The following RNF41 variants were observed in gnomAD, a reference collection of about 807,000 sequenced individuals.
RNF41 encodes the protein E3 ubiquitin-protein ligase NRDP1.
A neutral mutation model predicts 33.0 loss-of-function variants in RNF41; 4 were observed. The ratio of observed to expected loss-of-function variants is 0.12; its 90% CI spans 0.06 to 0.28. The LOEUF is 0.28. Among genes scored for constraint, RNF41 ranks in the 10% least tolerant of loss-of-function variants. RNF41 has a pLI of 1.00. For missense variants in RNF41, 228 were observed against 432.6 expected (o/e 0.53, Z 4.19); for synonymous variants, 164 against 153.2 (o/e 1.07, Z -0.52).
chr12:56,214,155 C>T (rs1006274885), intron 2 of RNF41, 85 bp from the exon 3 acceptor site: 24 of 768,176 alleles, frequency 3.1e-5, no homozygotes, highest in Non-Finnish European at 4.4e-5. Flanking sequence ...AAGATCCATT[C>T]ATTTATCCAA....
chr12:56,206,194 G>A lies in RNF41; in HGVS notation c.*253C>T, dbSNP rs371735918. 111 of 443,458 alleles carry A rather than the reference G, an allele frequency of 2.5e-4. 1 individual carries two copies. The highest frequency in any genetic ancestry group is 2.1e-3 in the African/African-American group (108 of 50,766). 27.5% of individuals were successfully genotyped at this position (443,458 alleles called of 1,614,324 possible). On this transcript the variant is annotated 3_prime_UTR_variant, in exon 7 of 7. Coordinates refer to ENST00000345093, the MANE Select transcript of RNF41 (RefSeq NM_005785.4). The surrounding 1 kb of genome is among the most constrained non-coding windows in gnomAD (Gnocchi z 5.7). ...ACCCTAAGCAGGAAAATGGATGGAG[G>A]TGGGGGCTTTCCCACCCAGACTGAT...
In RNF41 at chr12:56,203,008, A is replaced by G. The variant is rs1296982367; in HGVS notation, c.*3439T>C. The G allele has an allele frequency of 1.4e-5, 2 of 145,610 alleles. No homozygotes were observed. The highest frequency in any genetic ancestry group is 1.5e-5 in the Non-Finnish European group (1 of 66,698). The allele number at this position is 145,610 out of a possible 1,614,324, so 9.0% of individuals were successfully genotyped here. ...TCTATACTGTGACATGCTTATCAGT[A>G]TTTTATAAACATACCTTGTGTGCAT... On this transcript the variant is annotated 3_prime_UTR_variant, in exon 7 of 7. Coordinates refer to ENST00000345093, the MANE Select transcript of RNF41 (RefSeq NM_005785.4).
intron 6 of RNF41, chr12:56,207,435 C>G (rs750115428): frequency 1.2e-5 from 9 of 769,166 alleles, no homozygotes; most frequent in Non-Finnish European, 2.0e-5. Context: ...GGCAGGCTTT[C>G]CCTCCATCCA....
intron 1 of RNF41, among the ~76,000 whole-genome samples, chr12:56,220,483 C>G (rs1869300493): frequency 6.6e-6 from 1 of 151,448 alleles, no homozygotes; most frequent in Non-Finnish European, 1.5e-5. Context: ...TCCCAAAGTG[C>G]TAGGATTACA....
At chr12:56,210,616 C>A in intron 3 of RNF41, 48 bp from the exon 4 acceptor site, 1 of 1,519,004 alleles carries the variant, frequency 6.6e-7, no homozygotes, top group Non-Finnish European at 8.8e-7. Flanking sequence ...TTAGCAGGAC[C>A]TAAGAGCCTG....
intron 1 of RNF41, among the ~76,000 whole-genome samples, chr12:56,217,957 T>C (rs774073863): frequency 6.4e-5 from 9 of 139,586 alleles, no homozygotes; most frequent in Non-Finnish European, 5.9e-5. Context: ...TCACATAAAT[T>C]ATTATTATTA....
At chr12:56,215,803 C>T (rs1401200653) in intron 2 of RNF41, among the ~76,000 whole-genome samples, 3 of 151,342 alleles carry the variant, frequency 2.0e-5, no homozygotes, top group Non-Finnish European at 2.9e-5. Context: ...TTTGGGCTCC[C>T]AAAGGTCAAA....
chr12:56,202,908 A>C lies in RNF41; in HGVS notation c.*3539T>G, dbSNP rs1394575897. ...TCACAAGAATGAGCAGCAAGTTCTA[A>C]AAGTAATTTTAAAGGAGTTTAAGGG... On this transcript the variant is annotated 3_prime_UTR_variant, in exon 7 of 7. Coordinates refer to ENST00000345093, the MANE Select transcript of RNF41 (RefSeq NM_005785.4). 5 of 152,200 alleles carry C rather than the reference A, an allele frequency of 3.3e-5. No individual in the cohort carries two copies. The highest frequency in any genetic ancestry group is 4.8e-5 in the African/African-American group (2 of 41,450). 9.4% of individuals were successfully genotyped at this position (152,200 alleles called of 1,614,324 possible).
chr12:56,218,246 G>A (rs530889324), intron 1 of RNF41, among the ~76,000 whole-genome samples: 4 of 151,694 alleles, frequency 2.6e-5, no homozygotes, highest in Admixed American at 6.6e-5. Flanking sequence ...GAGCCACCGC[G>A]CCTGGCCCAC....
At chr12:56,220,068 T>C (rs1443139943) in intron 1 of RNF41, among the ~76,000 whole-genome samples, 11 of 150,176 alleles carry the variant, frequency 7.3e-5, no homozygotes, top group African/African-American at 2.7e-4. Context: ...TATGAAAGGA[T>C]ACTGAATACT....
intron 1 of RNF41, among the ~76,000 whole-genome samples, chr12:56,218,107 C>A (rs561790391): frequency 2.9e-4 from 44 of 152,152 alleles, no homozygotes; most frequent in Middle Eastern, 3.4e-3. Context: ...GCACCCACCA[C>A]CATGCCCGGC....
Position 56,217,137 on chromosome 12 carries a change from C to T in RNF41, c.-208-524G>A, listed in dbSNP as rs377658054. Among the ~76,000 whole-genome samples the T allele has an allele frequency of 2.2e-5, 3 of 134,146 alleles. No homozygotes were observed. In the East Asian group the frequency reaches 6.8e-4, roughly 31 times the overall value. 88.0% of individuals were successfully genotyped at this position (134,146 alleles called of 152,430 possible). On this transcript the variant is annotated intron_variant, in intron 1 of 6. Transcript: ENST00000345093. ...CCTGGGCGACACAGCAAGACTCCGTCTTAAAAAAAAAAAAAAAAAAGACAA... is the reference window on the plus strand; with the variant it reads ...CCTGGGCGACACAGCAAGACTCCGTTTTAAAAAAAAAAAAAAAAAAGACAA...
intron 1 of RNF41, among the ~76,000 whole-genome samples, chr12:56,216,869 G>GCA (rs1565945565): frequency 6.6e-6 from 1 of 152,200 alleles, no homozygotes; most frequent in Non-Finnish European, 1.5e-5. Flanking sequence ...GGCCGGGCGT[G>GCA]GTGGCTCACG....
At chr12:56,207,047 T>C in intron 6 of RNF41, 1 of 1,277,870 alleles carries the variant, frequency 7.8e-7, no homozygotes, top group Non-Finnish European at 1.0e-6. Context: ...GAAATTCCAA[T>C]ACTTAGCACA....
intron 3 of RNF41, 80 bp from the exon 4 acceptor site, chr12:56,210,648 G>C: frequency 1.4e-6 from 2 of 1,430,926 alleles, no homozygotes; most frequent in Non-Finnish European, 1.9e-6. Flanking sequence ...ACTCTACAAA[G>C]CCAATCAAGC....
intron 6 of RNF41, chr12:56,207,178 A>G (rs903724766): frequency 3.0e-6 from 4 of 1,321,832 alleles, no homozygotes; most frequent in African/African-American, 3.0e-5. Flanking sequence ...AGTTTACTCT[A>G]TGAACTGTAT....
At chr12:56,220,549 A>G (rs1357052187) in intron 1 of RNF41, among the ~76,000 whole-genome samples, 2 of 151,870 alleles carry the variant, frequency 1.3e-5, no homozygotes, top group Admixed American at 6.6e-5. Flanking sequence ...CCTGGCCAAC[A>G]TGGTGAAACC....
chr12:56,208,151 C>G lies in RNF41; in HGVS notation c.498+12G>C. The G allele has an allele frequency of 6.2e-7, 1 of 1,614,188 alleles. No homozygotes were observed. Among genetic ancestry groups the G allele is most frequent in the South Asian group, 1.1e-5 (1 of 91,080 alleles). On this transcript the variant is annotated intron_variant, in intron 5 of 6. Coordinates refer to ENST00000345093, the MANE Select transcript of RNF41 (RefSeq NM_005785.4). Reference sequence around the variant, plus strand: ...ATGAGGGATATGTTCTCCCCCGTGTCTTGGGGCCTACCTGCTCCGCCAGCT... The same window carrying G: ...ATGAGGGATATGTTCTCCCCCGTGTGTTGGGGCCTACCTGCTCCGCCAGCT...
chr12:56,210,428 T>A lies in RNF41; in HGVS notation c.231A>T (p.Ser77=). 6.2e-7 allele frequency: 1 copy of A among 1,614,204 alleles called. No individual in the cohort carries two copies. The highest frequency in any genetic ancestry group is 8.5e-7 in the Non-Finnish European group (1 of 1,180,034). The change falls in exon 4 of 7, where the codon TCA becomes TCT. Residue 77 remains serine (S), a synonymous_variant. Coordinates refer to ENST00000345093, the MANE Select transcript of RNF41 (RefSeq NM_005785.4). ...CGTTGTCACAGGCAATCTGCAGCTTTGACAACATGTTCCGCATGATCCGAG... is the reference window on the plus strand; with the variant it reads ...CGTTGTCACAGGCAATCTGCAGCTTAGACAACATGTTCCGCATGATCCGAG... The part of the protein sequence containing the change: ...PVPRIMRNML[S]KLQIACDNAV...
Sources: gnomAD v4.1 joint callset for allele counts (sites outside exome capture counted in the v4.1 genomes callset) on GRCh38, gnomAD v4.1.1 for gene constraint, Gnocchi (gnomAD v3.1) non-coding constraint, MANE v1.5 for transcripts, NCBI Gene and HGNC (gene_info 2026-07-23, HGNC 2026-07-21) for gene names.